The following OPCML variants were observed in gnomAD, a reference collection of about 807,000 sequenced individuals.
OPCML encodes opioid binding protein/cell adhesion molecule like, also known as opioid-binding protein/cell adhesion molecule.
A neutral mutation model predicts 37.8 loss-of-function variants in OPCML; 13 were observed. The observed-to-expected ratio is 0.34, with a 90% CI of 0.22 to 0.55. The LOEUF (loss-of-function observed/expected upper bound fraction) is 0.55, where lower values mean the gene tolerates loss of function less well. OPCML is among the 20% of genes least tolerant of loss of function. The probability of loss-of-function intolerance (pLI) is 0.91; values close to 1 mark genes in which losing one functional copy is unlikely to be tolerated. For missense variants in OPCML, 341 were observed against 435.6 expected, an observed-to-expected ratio of 0.78 and a Z score of 1.93; for synonymous variants, 176 against 168.8, an observed-to-expected ratio of 1.04 and a Z score of -0.33.
At chr11:133,371,738 A>G (rs1944679798) in intron 1 of OPCML, among the ~76,000 whole-genome samples, 1 of 152,238 alleles carries the variant, frequency 6.6e-6, no homozygotes, top group South Asian at 2.1e-4. Flanking sequence ...ATTACCCAGT[A>G]TCAGGTATTC....
intron 1 of OPCML, among the ~76,000 whole-genome samples, chr11:133,029,089 A>C (rs1947619019): frequency 6.6e-6 from 1 of 152,218 alleles, no homozygotes; most frequent in Non-Finnish European, 1.5e-5. Flanking sequence ...AAAGATATAC[A>C]TGCACCAACA....
chr11:133,500,879 AG>A (rs1047284290), intron 1 of OPCML, among the ~76,000 whole-genome samples: 3 of 152,090 alleles, frequency 2.0e-5, no homozygotes, highest in African/African-American at 7.2e-5. Flanking sequence ...GTAGAGAGGG[AG>A]GAGTCTGAGT....
At chr11:133,434,310 A>G (rs1946187320) in intron 1 of OPCML, among the ~76,000 whole-genome samples, 1 of 152,086 alleles carries the variant, frequency 6.6e-6, no homozygotes. Context: ...AAGTCCGGAA[A>G]AGTGCTGCCT....
At chr11:132,896,512 T>C (rs1328896956) in intron 2 of OPCML, among the ~76,000 whole-genome samples, 1 of 152,222 alleles carries the variant, frequency 6.6e-6, no homozygotes. Context: ...GGTATGCACC[T>C]ACTAAACTGG....
At chr11:132,796,089 A>G (rs1479773688) in intron 2 of OPCML, among the ~76,000 whole-genome samples, 1 of 152,166 alleles carries the variant, frequency 6.6e-6, no homozygotes, top group African/African-American at 2.4e-5. Context: ...GACTTAAGGT[A>G]TATAGGAGGA....
intron 1 of OPCML, among the ~76,000 whole-genome samples, chr11:133,158,732 T>TAAAAC (rs1003943689): frequency 6.7e-6 from 1 of 148,304 alleles, no homozygotes; most frequent in African/African-American, 2.5e-5. Context: ...TAAAATAAAA[T>TAAAAC]AAAATAAAAT....
chr11:133,022,136 G>A (rs949393456), intron 1 of OPCML, among the ~76,000 whole-genome samples: 1 of 152,140 alleles, frequency 6.6e-6, no homozygotes, highest in African/African-American at 2.4e-5. Context: ...TGAGTGAAGG[G>A]GCTGGCAATT....
chr11:132,596,353 C>T (rs951794219), intron 3 of OPCML, among the ~76,000 whole-genome samples: 3 of 152,134 alleles, frequency 2.0e-5, no homozygotes, highest in African/African-American at 7.2e-5. Flanking sequence ...TCCCTCCTTT[C>T]TTCTTTTTCT....
chr11:132,578,879 C>G (rs998679546), intron 3 of OPCML, among the ~76,000 whole-genome samples: 47 of 152,198 alleles, frequency 3.1e-4, no homozygotes, highest in African/African-American at 1.1e-3. Context: ...CAAAGTCACA[C>G]TTGGGTTTTA....
intron 7 of OPCML, among the ~76,000 whole-genome samples, chr11:132,435,710 C>T (rs1188669710): frequency 6.6e-6 from 1 of 152,228 alleles, no homozygotes; most frequent in Non-Finnish European, 1.5e-5. Context: ...AAGCAGGTGA[C>T]TTGGTTTAAA....
At chr11:132,984,062 G>A (rs1946641076) in intron 1 of OPCML, among the ~76,000 whole-genome samples, 1 of 152,152 alleles carries the variant, frequency 6.6e-6, no homozygotes, top group Non-Finnish European at 1.5e-5. Context: ...TTACAGAAGA[G>A]TGAAATTCAG....
At chr11:133,246,689 A>T (rs561279300) in intron 1 of OPCML, among the ~76,000 whole-genome samples, 1 of 152,312 alleles carries the variant, frequency 6.6e-6, no homozygotes, top group Non-Finnish European at 1.5e-5. Flanking sequence ...TACAAAAAGC[A>T]CTCAGAAACT....
intron 1 of OPCML, among the ~76,000 whole-genome samples, chr11:133,272,810 C>T (rs1941888094): frequency 6.6e-6 from 1 of 152,212 alleles, no homozygotes; most frequent in African/African-American, 2.4e-5. Flanking sequence ...AAGAAAGCCT[C>T]TGACAGAATA....
At chr11:132,820,796 C>T (rs939168677) in intron 2 of OPCML, among the ~76,000 whole-genome samples, 3 of 152,138 alleles carry the variant, frequency 2.0e-5, no homozygotes, top group African/African-American at 7.2e-5. Context: ...AGATTTTTAA[C>T]CTGTTTTTGC....
At chr11:132,450,856 ATTAG>A (rs1315570587) in intron 4 of OPCML, among the ~76,000 whole-genome samples, 1 of 152,164 alleles carries the variant, frequency 6.6e-6, no homozygotes, top group Admixed American at 6.5e-5. Flanking sequence ...TTGTTCTGTC[ATTAG>A]TTAAAATAAT....
At chr11:132,430,236 T>C (rs1309317825) in intron 7 of OPCML, among the ~76,000 whole-genome samples, 2 of 151,786 alleles carry the variant, frequency 1.3e-5, no homozygotes, top group Non-Finnish European at 2.9e-5. Context: ...CACCTGGGGA[T>C]AGGTGTAGTT....
intron 2 of OPCML, among the ~76,000 whole-genome samples, chr11:132,799,612 T>C (rs969194776): frequency 6.6e-6 from 1 of 151,800 alleles, no homozygotes; most frequent in African/African-American, 2.4e-5. Flanking sequence ...ATGACAAAGT[T>C]TGAAATATTG....
At chr11:132,514,786 G>T (rs1475192917) in intron 4 of OPCML, among the ~76,000 whole-genome samples, 3 of 152,144 alleles carry the variant, frequency 2.0e-5, no homozygotes, top group Non-Finnish European at 2.9e-5. Context: ...GCAGAGTAGG[G>T]GAGAGAAAGA....
chr11:132,571,002 G>A (rs2096437135), intron 3 of OPCML, among the ~76,000 whole-genome samples: 2 of 151,706 alleles, frequency 1.3e-5, no homozygotes, highest in Admixed American at 1.3e-4. Flanking sequence ...ATTGAAAAGG[G>A]AGAGGAAGAC....
Sources: gnomAD v4.1 joint callset for allele counts (sites outside exome capture counted in the v4.1 genomes callset) on GRCh38, gnomAD v4.1.1 for gene constraint, MANE v1.5 for transcripts, NCBI Gene and HGNC (gene_info 2026-07-23, HGNC 2026-07-21) for gene names.